Variants in HIC1 observed in about 807,000 individuals in gnomAD.
HIC1 encodes the protein HIC ZBTB transcriptional repressor 1, also known as hypermethylated in cancer 1 protein.
Under a neutral mutation model 26.4 loss-of-function variants are expected in HIC1, and 9 were observed. That is an observed-to-expected ratio of 0.34 (90% CI 0.21 to 0.59). The LOEUF is 0.59. Ranked by LOEUF, HIC1 falls within the 20% of genes least tolerant of loss-of-function variation. The pLI, the probability that HIC1 is intolerant of heterozygous loss-of-function variation, is 0.82. For missense variants in HIC1, 965 were observed against 1,075.7 expected, an observed-to-expected ratio of 0.90 and a Z score of 1.44; for synonymous variants, 631 against 523.1, an observed-to-expected ratio of 1.21 and a Z score of -2.81.
chr17:2,057,617 C>T lies in HIC1; in HGVS notation c.927C>T (p.Leu309=). 6.6e-7 allele frequency: 1 copy of T among 1,513,502 alleles called. No individual in the cohort carries two copies. The highest frequency in any genetic ancestry group is 8.8e-7 in the Non-Finnish European group (1 of 1,137,524). 93.8% of individuals were successfully genotyped at this position (1,513,502 alleles called of 1,614,324 possible). A position where few individuals can be genotyped will look rare whatever the true frequency, so the allele number is the denominator to read the frequency against. ...PPGRPDGPSL[L]YRWMKHEPGL... ...GCCGCCCCGACGGGCCTAGTCTCCT[C>T]TATCGCTGGATGAAGCACGAGCCGG... The change falls in exon 2 of 2, where the codon CTC becomes CTT. Residue 309 remains leucine (L), a synonymous_variant. Coordinates refer to ENST00000619757, the MANE Select transcript of HIC1 (RefSeq NM_006497.4).
At position 2,059,039 on chromosome 17, in the gene HIC1, T is replaced by A; in HGVS notation, c.*204T>A. The A allele has an allele frequency of 2.0e-6, 1 of 490,136 alleles. No individual in the cohort carries two copies. Among genetic ancestry groups the A allele is most frequent in the Non-Finnish European group, 3.6e-6 (1 of 276,632 alleles). The allele number at this position is 490,136 out of a possible 1,614,324, so 30.4% of individuals were successfully genotyped here. A position where few individuals can be genotyped will look rare whatever the true frequency, so the allele number is the denominator to read the frequency against. On this transcript the variant is annotated 3_prime_UTR_variant, in exon 2 of 2. Coordinates refer to ENST00000619757, the MANE Select transcript of HIC1 (RefSeq NM_006497.4). Reference sequence around the variant, plus strand: ...TCGGGGGAGAACCCCGGGACGGGGGTGGGATGGGGTAAGGGAAATTTATAT... The same window carrying A: ...TCGGGGGAGAACCCCGGGACGGGGGAGGGATGGGGTAAGGGAAATTTATAT...
rs750827294 is a variant in HIC1 at position 2,058,547 on chromosome 17, C to T, written c.1857C>T (p.Asp619=). 16 of 1,529,070 alleles carry T rather than the reference C, an allele frequency of 1.0e-5. 1 individual carries two copies. In the Middle Eastern group the frequency reaches 6.8e-4, roughly 65 times the overall value. 94.7% of individuals were successfully genotyped at this position (1,529,070 alleles called of 1,614,324 possible). A position where few individuals can be genotyped will look rare whatever the true frequency, so the allele number is the denominator to read the frequency against. The change falls in exon 2 of 2, where the codon GAC becomes GAT. Residue 619 remains aspartate, a synonymous_variant. Transcript: ENST00000619757. ...GGCTCCCCGGCGTCCCCGGCCCCGA[C>T]GGCAAGGGCAAGCTCGACTTCCCCG... The part of the protein sequence containing the change: ...LGGLPGVPGP[D]GKGKLDFPEG...
Position 2,061,132 on chromosome 17 carries a change from A to G in HIC1, c.*2297A>G. ...CCCCTGCCCTGTCTCCACTGGAGAA[A>G]GTGGCTGCGTCCCCAGGCGAGAAGG... is the stretch of plus-strand genomic sequence containing the variant. On this transcript the variant is annotated 3_prime_UTR_variant, in exon 2 of 2. Transcript: ENST00000619757. 1 of 212,134 alleles carries G rather than the reference A, an allele frequency of 4.7e-6. No homozygotes were observed. The highest frequency in any genetic ancestry group is 9.8e-6 in the Non-Finnish European group (1 of 102,328). 13.1% of individuals were successfully genotyped at this position (212,134 alleles called of 1,614,324 possible).
chr17:2,057,855 G>T lies in HIC1; in HGVS notation c.1165G>T (p.Asp389Tyr). Reference protein sequence around the residue: ...SSSEETGSSEDPSPPGGHLEG... With the variant: ...SSSEETGSSEYPSPPGGHLEG... ...CAGCGAGGAGACCGGTAGCAGCGAG[G>T]ACCCCAGCCCGCCTGGCGGCCACCT... Residue 389 changes from aspartate (D) to tyrosine (Y), a missense_variant, in exon 2 of 2, where the codon GAC (aspartate) becomes TAC (tyrosine). Physicochemically the swap from Asp to Tyr is radical, Grantham distance 160 (BLOSUM62 -3). Around this residue, in one of 6 missense-constraint regions of HIC1, gnomAD observed 526 missense variants for 525.0 expected, o/e 1.00. Coordinates refer to ENST00000619757, the MANE Select transcript of HIC1 (RefSeq NM_006497.4). 1 of 1,590,036 alleles carries T rather than the reference G, an allele frequency of 6.3e-7. No homozygotes were observed. The highest frequency in any genetic ancestry group is 8.6e-7 in the Non-Finnish European group (1 of 1,169,494).
Position 2,061,409 on chromosome 17 carries a change from C to A in HIC1, c.*2574C>A. The A allele has an allele frequency of 7.3e-7, 1 of 1,364,952 alleles. No homozygotes were observed. Among genetic ancestry groups the A allele is most frequent in the African/African-American group, 1.5e-5 (1 of 68,936 alleles). The allele number at this position is 1,364,952 out of a possible 1,614,324, so 84.6% of individuals were successfully genotyped here. A position where few individuals can be genotyped will look rare whatever the true frequency, so the allele number is the denominator to read the frequency against. On this transcript the variant is annotated 3_prime_UTR_variant, in exon 2 of 2. Transcript: ENST00000619757. ...TCTGGGTGGATTGGTGGCTCAGGCA[C>A]GTGGGCATCTTCCGTGCTACACTGG...
chr17:2,056,672 A>C lies in HIC1; in HGVS notation c.-19A>C. 11 of 1,563,794 alleles carry C rather than the reference A, an allele frequency of 7.0e-6. No individual in the cohort carries two copies. Among genetic ancestry groups the C allele is most frequent in the Non-Finnish European group, 9.6e-6 (11 of 1,151,476 alleles). On this transcript the variant is annotated splice_region_variant and 5_prime_UTR_variant, in exon 2 of 2. Transcript: ENST00000619757. ...CCCGGCCGGTGTGTGTCCCCGCAGGAGAGTGTGCTGGGCAGACGATGCTGG... is the reference window on the plus strand; with the variant it reads ...CCCGGCCGGTGTGTGTCCCCGCAGGCGAGTGTGCTGGGCAGACGATGCTGG...
Position 2,058,126 on chromosome 17 carries a change from G to T in HIC1, c.1436G>T (p.Gly479Val). The change falls in exon 2 of 2, where the codon GGT becomes GTT. Residue 479 changes from glycine to valine, a missense_variant. Physicochemically the swap from Gly to Val is moderately radical, Grantham distance 109 (BLOSUM62 -3). This residue lies in a region of HIC1 where 105 missense variants were observed against 101.4 expected (regional missense o/e 1.04). Coordinates refer to ENST00000619757, the MANE Select transcript of HIC1 (RefSeq NM_006497.4). The part of the protein sequence containing the change: ...GGGDKVAGAP[G>V]GLGELLRPYR... Reference sequence around the variant, plus strand: ...GGGGACAAGGTCGCCGGGGCTCCGGGTGGCCTGGGAGAGCTGCTGCGGCCC... The same window carrying T: ...GGGGACAAGGTCGCCGGGGCTCCGGTTGGCCTGGGAGAGCTGCTGCGGCCC... The T allele has an allele frequency of 6.2e-7, 1 of 1,603,402 alleles. No individual in the cohort carries two copies. The highest frequency in any genetic ancestry group is 8.5e-7 in the Non-Finnish European group (1 of 1,177,946).
chr17:2,056,151 A>G (rs1597301118), intron 1 of HIC1: 1 of 496,316 alleles, frequency 2.0e-6, no homozygotes, highest in Non-Finnish European at 3.6e-6. Context: ...CCGGGCCCCG[A>G]CCGAGGGTTG....
Position 2,056,507 on chromosome 17 carries a change from G to T in HIC1, c.-20-164G>T, listed in dbSNP as rs1009624088. 5 of 1,344,772 alleles carry T rather than the reference G, an allele frequency of 3.7e-6. No homozygotes were observed. The African/African-American group carries it at 5.8e-5, about 16-fold the overall frequency. 83.3% of individuals were successfully genotyped at this position (1,344,772 alleles called of 1,614,324 possible). ...TCCTGGTCCGGGCGGGCCGGCCTGGGCTCCCACTCCAGAGGGCAGCCGGTC... is the reference window on the plus strand; with the variant it reads ...TCCTGGTCCGGGCGGGCCGGCCTGGTCTCCCACTCCAGAGGGCAGCCGGTC... On this transcript the variant is annotated intron_variant, in intron 1 of 1. Transcript: ENST00000619757.
Position 2,058,932 on chromosome 17 carries a change from A to G in HIC1, c.*97A>G. On this transcript the variant is annotated 3_prime_UTR_variant, in exon 2 of 2. Coordinates refer to ENST00000619757, the MANE Select transcript of HIC1 (RefSeq NM_006497.4). ...GCGCGCAGGGCCCACTGTGCCCGGG[A>G]CAACCGCAGCGTCGCCACAGTGGCG... 8.9e-7 allele frequency: 1 copy of G among 1,117,372 alleles called. No individual in the cohort carries two copies. Among genetic ancestry groups the G allele is most frequent in the Non-Finnish European group, 1.2e-6 (1 of 838,112 alleles). 69.2% of individuals were successfully genotyped at this position (1,117,372 alleles called of 1,614,324 possible). A position where few individuals can be genotyped will look rare whatever the true frequency, so the allele number is the denominator to read the frequency against.
In HIC1 at chr17:2,061,182, C is replaced by CG. The variant is rs1009469731; in HGVS notation, c.*2352dup. 3 of 291,202 alleles carry CG rather than the reference C, an allele frequency of 1.0e-5. No individual in the cohort carries two copies. Among genetic ancestry groups the CG allele is most frequent in the African/African-American group, 6.5e-5 (3 of 45,856 alleles). 18.0% of individuals were successfully genotyped at this position (291,202 alleles called of 1,614,324 possible). On this transcript the variant is annotated 3_prime_UTR_variant, in exon 2 of 2. Coordinates refer to ENST00000619757, the MANE Select transcript of HIC1 (RefSeq NM_006497.4). ...GCCCTCCCTCAGCCTTGGAATGAGACGGGGGAGGGAGAAAGGCTGAGAGCA... is the reference window on the plus strand; with the variant it reads ...GCCCTCCCTCAGCCTTGGAATGAGACGGGGGGAGGGAGAAAGGCTGAGAGCA...
At position 2,056,701 on chromosome 17, in the gene HIC1, C is replaced by A; in HGVS notation, c.11C>A (p.Thr4Lys). Residue 4 changes from threonine to lysine, a missense_variant, in exon 2 of 2, where the codon ACG becomes AAG. By Grantham distance (78) the Thr-to-Lys change is moderately conservative. Coordinates refer to ENST00000619757, the MANE Select transcript of HIC1 (RefSeq NM_006497.4). ...TGTGCTGGGCAGACGATGCTGGACA[C>A]GATGGAGGCGCCCGGCCACTCCAGG... is the stretch of plus-strand genomic sequence containing the variant. Reference protein sequence around the residue: MLDTMEAPGHSRQL... With the variant: MLDKMEAPGHSRQL... 6.2e-7 allele frequency: 1 copy of A among 1,600,094 alleles called. No homozygotes were observed. The highest frequency in any genetic ancestry group is 8.5e-7 in the Non-Finnish European group (1 of 1,172,776).
At position 2,061,463 on chromosome 17, in the gene HIC1, C is replaced by A; in HGVS notation, c.*2628C>A. On this transcript the variant is annotated 3_prime_UTR_variant, in exon 2 of 2. Coordinates refer to ENST00000619757, the MANE Select transcript of HIC1 (RefSeq NM_006497.4). Reference sequence around the variant, plus strand: ...CCTGGTGGCCTTTCAGGAACGGTTCCACGGGGGGGGGGCCCCAGTGTGGCT... The same window carrying A: ...CCTGGTGGCCTTTCAGGAACGGTTCAACGGGGGGGGGGCCCCAGTGTGGCT... 1 of 1,438,780 alleles carries A rather than the reference C, an allele frequency of 7.0e-7. No individual in the cohort carries two copies. The highest frequency in any genetic ancestry group is 9.1e-7 in the Non-Finnish European group (1 of 1,094,488). 89.1% of individuals were successfully genotyped at this position (1,438,780 alleles called of 1,614,324 possible).
At position 2,061,465 on chromosome 17, in the gene HIC1, C is replaced by CGGG. The variant is rs145926620; in HGVS notation, c.*2638_*2640dup. 1,936 of 1,356,090 alleles carry CGGG rather than the reference C, an allele frequency of 1.4e-3. 1 individual carries two copies. The highest frequency in any genetic ancestry group is 2.2e-3 in the Middle Eastern group (9 of 4,076). 84.0% of individuals were successfully genotyped at this position (1,356,090 alleles called of 1,614,324 possible). A position where few individuals can be genotyped will look rare whatever the true frequency, so the allele number is the denominator to read the frequency against. ...TGGTGGCCTTTCAGGAACGGTTCCA[C>CGGG]GGGGGGGGGGCCCCAGTGTGGCTCC... On this transcript the variant is annotated 3_prime_UTR_variant, in exon 2 of 2. Transcript: ENST00000619757.
rs1222204913 is a variant in HIC1, at chr17:2,056,717, C to T, written c.27C>T (p.Gly9=). MLDTMEAP[G]HSRQLLLQLN... ...TGCTGGACACGATGGAGGCGCCCGGCCACTCCAGGCAGCTGCTGCTGCAGC... is the reference window on the plus strand; with the variant it reads ...TGCTGGACACGATGGAGGCGCCCGGTCACTCCAGGCAGCTGCTGCTGCAGC... Residue 9 remains glycine, a synonymous_variant, in exon 2 of 2, where the codon GGC becomes GGT. Transcript: ENST00000619757. 1 of 1,607,056 alleles carries T rather than the reference C, an allele frequency of 6.2e-7. No homozygotes were observed. Among genetic ancestry groups the T allele is most frequent in the South Asian group, 1.1e-5 (1 of 90,600 alleles).
At position 2,061,285 on chromosome 17, in the gene HIC1, G is replaced by A. The variant is rs1567561807; in HGVS notation, c.*2450G>A. ...CTGCTAAATCCTGGCAGCCCAGGAG[G>A]GTCCCAGCAGCTTCCGCCCGATCCT... On this transcript the variant is annotated 3_prime_UTR_variant, in exon 2 of 2. Transcript: ENST00000619757. 2 of 544,618 alleles carry A rather than the reference G, an allele frequency of 3.7e-6. No homozygotes were observed. Among genetic ancestry groups the A allele is most frequent in the East Asian group, 6.7e-5 (2 of 29,874 alleles). The allele number at this position is 544,618 out of a possible 1,614,324, so 33.7% of individuals were successfully genotyped here.
rs2067686682 is a variant in HIC1, at chr17:2,057,735, G to T, written c.1045G>T (p.Gly349Trp). The T allele has an allele frequency of 7.2e-7, 1 of 1,394,674 alleles. No homozygotes were observed. Among genetic ancestry groups the T allele is most frequent in the Non-Finnish European group, 9.2e-7 (1 of 1,081,532 alleles). The allele number at this position is 1,394,674 out of a possible 1,614,324, so 86.4% of individuals were successfully genotyped here. Residue 349 changes from glycine to tryptophan, a missense_variant, in exon 2 of 2, where the codon GGG becomes TGG. Around this residue, in one of 6 missense-constraint regions of HIC1, gnomAD observed 526 missense variants for 525.0 expected, o/e 1.00. Transcript: ENST00000619757. ...ERGGDAAVSP[G>W]GPPLGLAPPP... Reference sequence around the variant, plus strand: ...TGGTGGGGACGCGGCCGTCTCGCCCGGGGGGCCCCCGCTCGGCCTGGCGCC... The same window carrying T: ...TGGTGGGGACGCGGCCGTCTCGCCCTGGGGGCCCCCGCTCGGCCTGGCGCC...
chr17:2,060,266 T>G lies in HIC1; in HGVS notation c.*1431T>G, dbSNP rs1351663892. On this transcript the variant is annotated 3_prime_UTR_variant, in exon 2 of 2. Coordinates refer to ENST00000619757, the MANE Select transcript of HIC1 (RefSeq NM_006497.4). ...GGCCCTGGGTTTCAGGAACTCATTC[T>G]TGGTAAGGAAGCCTCCCCACTGAGG... 6.6e-6 allele frequency: 1 copy of G among 152,256 alleles called. No homozygotes were observed. The highest frequency in any genetic ancestry group is 1.5e-5 in the Non-Finnish European group (1 of 68,056). The allele number at this position is 152,256 out of a possible 1,614,324, so 9.4% of individuals were successfully genotyped here.
At chr17:2,056,392 C>G in intron 1 of HIC1, 1 of 1,590,224 alleles carries the variant, frequency 6.3e-7, no homozygotes, top group Non-Finnish European at 8.6e-7. Context: ...GTTTTCTTCT[C>G]GGAAGCCCCA....
Sources: allele counts gnomAD v4.1 joint callset, GRCh38; gene constraint gnomAD v4.1.1; regional missense constraint gnomAD v4.1.1; transcripts MANE v1.5; gene names NCBI Gene and HGNC (gene_info 2026-07-23, HGNC 2026-07-21).